Variants in NIBAN1 observed in about 807,000 individuals in gnomAD.
NIBAN1 encodes the protein niban apoptosis regulator 1.
In NIBAN1, 81 loss-of-function variants were observed where a neutral mutation model predicts 75.1. The observed-to-expected ratio is 1.08, with a 90% CI of 0.90 to 1.30. NIBAN1 has a LOEUF of 1.30. Among genes scored for constraint, NIBAN1 ranks in the 50% most tolerant of loss-of-function variants. The pLI, the probability that NIBAN1 is intolerant of heterozygous loss-of-function variation, is 0.00. For missense variants in NIBAN1, 1,133 were observed against 1,128.1 expected, an observed-to-expected ratio of 1.00 and a Z score of -0.06; for synonymous variants, 436 against 424.8, an observed-to-expected ratio of 1.03 and a Z score of -0.32.
At chr1:184,956,033 G>GTTT (rs1553231287) in intron 1 of NIBAN1, among the ~76,000 whole-genome samples, 6 of 148,092 alleles carry the variant, frequency 4.1e-5, no homozygotes, top group African/African-American at 1.2e-4. Flanking sequence ...CTTTTTGTTT[G>GTTT]TTTTTTTTTT....
In NIBAN1 at chr1:184,945,961, A is replaced by G. The variant is rs547815111; in HGVS notation, c.55+28341T>C. Among the ~76,000 whole-genome samples, 34 of 152,082 alleles carry G rather than the reference A, an allele frequency of 2.2e-4. 1 individual carries two copies. Among genetic ancestry groups the G allele is most frequent in the Non-Finnish European group, 3.7e-4 (25 of 67,978 alleles). ...AGGAAGGAAGGATGGAGGTTCCTAC[A>G]TAGTTCTATTATGACCTGATTTCAA... On this transcript the variant is annotated intron_variant, in intron 1 of 13. Coordinates refer to ENST00000367511, the MANE Select transcript of NIBAN1 (RefSeq NM_052966.4).
intron 1 of NIBAN1, among the ~76,000 whole-genome samples, chr1:184,930,071 G>T (rs1291509724): frequency 6.6e-6 from 1 of 152,156 alleles, no homozygotes; most frequent in Non-Finnish European, 1.5e-5. Context: ...ACCTCAGCTG[G>T]CAGAACAAAA....
chr1:184,809,612 T>C (rs1654311128), intron 9 of NIBAN1, among the ~76,000 whole-genome samples: 1 of 150,556 alleles, frequency 6.6e-6, no homozygotes, highest in Non-Finnish European at 1.5e-5. Flanking sequence ...TGTGTGTATA[T>C]ATATATATAC....
intron 2 of NIBAN1, among the ~76,000 whole-genome samples, chr1:184,897,200 G>A (rs932402334): frequency 3.3e-5 from 5 of 151,548 alleles, no homozygotes; most frequent in African/African-American, 1.2e-4. Flanking sequence ...ATTAGTTTGT[G>A]TTGCCTACAA....
intron 11 of NIBAN1, among the ~76,000 whole-genome samples, chr1:184,805,569 C>T (rs887627429): frequency 5.9e-5 from 9 of 152,126 alleles, no homozygotes; most frequent in African/African-American, 1.4e-4. Flanking sequence ...ATAAATTATT[C>T]GCCAGTTTAA....
intron 1 of NIBAN1, among the ~76,000 whole-genome samples, chr1:184,926,196 G>T (rs113172558): frequency 0.018 from 2,781 of 152,120 alleles, 47 homozygotes; most frequent in South Asian, 0.047. Flanking sequence ...TAAGAAGTCT[G>T]CTGCCAGACA....
Position 184,823,332 on chromosome 1 carries a change from G to T in NIBAN1, c.823-3C>A. 6.2e-7 allele frequency: 1 copy of T among 1,613,832 alleles called. No individual in the cohort carries two copies. Among genetic ancestry groups the T allele is most frequent in the South Asian group, 1.1e-5 (1 of 91,054 alleles). ...AGGGTGTAGGCCTCCTCGAGGAGCT[G>T]CAACAAGGAATAACACATAAATCAG... On this transcript the variant is annotated splice_region_variant and splice_polypyrimidine_tract_variant and intron_variant, in intron 7 of 13. Coordinates refer to ENST00000367511, the MANE Select transcript of NIBAN1 (RefSeq NM_052966.4).
At position 184,792,206 on chromosome 1, in the gene NIBAN1, G is replaced by T. The variant is rs995302637; in HGVS notation, c.*2771C>A. On this transcript the variant is annotated 3_prime_UTR_variant, in exon 14 of 14. Coordinates refer to ENST00000367511, the MANE Select transcript of NIBAN1 (RefSeq NM_052966.4). ...CCCTCTCACCTCAGCCTCCCAAAGT[G>T]CTGGGATTATAGGTGTAAGCTACCA... 6.6e-6 allele frequency: 1 copy of T among 152,202 alleles called. No homozygotes were observed. Among genetic ancestry groups the T allele is most frequent in the Admixed American group, 6.5e-5 (1 of 15,270 alleles). 9.4% of individuals were successfully genotyped at this position (152,202 alleles called of 1,614,324 possible).
At position 184,962,891 on chromosome 1, in the gene NIBAN1, T is replaced by C. The variant is rs182721349; in HGVS notation, c.55+11411A>G. On this transcript the variant is annotated intron_variant, in intron 1 of 13. Coordinates refer to ENST00000367511, the MANE Select transcript of NIBAN1 (RefSeq NM_052966.4). ...GGAAAAAATAATGTTTTTTTCCTGC[T>C]TTTGAACTATCATACTAGGTAACCA... 4.3e-4 allele frequency among the ~76,000 whole-genome samples: 66 copies of C among 152,254 alleles called. 2 individuals are homozygous for C. The East Asian group carries it at 0.012, about 28-fold the overall frequency.
At chr1:184,805,072 G>A (rs983131505) in intron 11 of NIBAN1, among the ~76,000 whole-genome samples, 1 of 152,226 alleles carries the variant, frequency 6.6e-6, no homozygotes, top group African/African-American at 2.4e-5. Flanking sequence ...ACAGGCGTGA[G>A]CCACTGTGCC....
Position 184,791,284 on chromosome 1 carries a change from T to C in NIBAN1, c.*3693A>G, listed in dbSNP as rs1031805597. 4 of 220,852 alleles carry C rather than the reference T, an allele frequency of 1.8e-5. No homozygotes were observed. The allele number at this position is 220,852 out of a possible 1,614,324, so 13.7% of individuals were successfully genotyped here. ...TTAAGTCAATGATGTCCTTCCCTTCTTCACATCAAAATTGCTATGAATCAC... is the reference window on the plus strand; with the variant it reads ...TTAAGTCAATGATGTCCTTCCCTTCCTCACATCAAAATTGCTATGAATCAC... On this transcript the variant is annotated 3_prime_UTR_variant, in exon 14 of 14. Coordinates refer to ENST00000367511, the MANE Select transcript of NIBAN1 (RefSeq NM_052966.4).
At chr1:184,859,152 A>G (rs961561052) in intron 5 of NIBAN1, among the ~76,000 whole-genome samples, 14 of 152,012 alleles carry the variant, frequency 9.2e-5, no homozygotes, top group African/African-American at 1.4e-4. Context: ...TTATGCATTT[A>G]TATAAAATTG....
intron 8 of NIBAN1, among the ~76,000 whole-genome samples, chr1:184,822,228 C>T (rs540483695): frequency 9.9e-5 from 15 of 152,252 alleles, no homozygotes; most frequent in African/African-American, 2.9e-4. Context: ...TCACTAGGTA[C>T]GGGTGTGTTT....
intron 5 of NIBAN1, among the ~76,000 whole-genome samples, chr1:184,858,479 C>T (rs1655734188): frequency 6.6e-6 from 1 of 151,984 alleles, no homozygotes; most frequent in African/African-American, 2.4e-5. Context: ...CCGGGAAAGG[C>T]CACTCAAAAT....
At chr1:184,797,374 T>C (rs1175808368) in intron 13 of NIBAN1, among the ~76,000 whole-genome samples, 1 of 152,056 alleles carries the variant, frequency 6.6e-6, no homozygotes, top group Non-Finnish European at 1.5e-5. Flanking sequence ...ACTCCTGACC[T>C]CAAGTGATCT....
chr1:184,803,772 C>T, intron 11 of NIBAN1, 80 bp from the exon 12 acceptor site: 2 of 1,155,612 alleles, frequency 1.7e-6, no homozygotes, highest in African/African-American at 1.5e-5. Flanking sequence ...CAGCCACCCA[C>T]TTCACCTCTC....
At chr1:184,803,786 T>G (rs1185793064) in intron 11 of NIBAN1, 94 bp from the exon 12 acceptor site, 49 of 1,001,502 alleles carry the variant, frequency 4.9e-5, no homozygotes, top group Non-Finnish European at 7.4e-5. Flanking sequence ...ACCTCTCTTT[T>G]CCTCCTAATG....
intron 3 of NIBAN1, among the ~76,000 whole-genome samples, chr1:184,893,452 T>C (rs1278093781): frequency 6.6e-6 from 1 of 152,102 alleles, no homozygotes; most frequent in Non-Finnish European, 1.5e-5. Flanking sequence ...ACACCCATTA[T>C]CTCACTTTCT....
chr1:184,837,861 T>G (rs916502785), intron 5 of NIBAN1, among the ~76,000 whole-genome samples: 7 of 152,186 alleles, frequency 4.6e-5, no homozygotes, highest in African/African-American at 1.4e-4. Context: ...CAGCTGAATA[T>G]CCTTATTTCT....
Sources: allele counts gnomAD v4.1 joint callset (sites outside exome capture counted in the v4.1 genomes callset), GRCh38; gene constraint gnomAD v4.1.1; transcripts MANE v1.5; gene names NCBI Gene and HGNC (gene_info 2026-07-23, HGNC 2026-07-21).